Variants in LRBA observed in about 807,000 individuals in gnomAD.
LRBA encodes the protein LPS responsive beige-like anchor protein.
A neutral mutation model predicts 330.0 loss-of-function variants in LRBA; 176 were observed. The observed-to-expected ratio is 0.53, with a 90% CI of 0.47 to 0.60. LRBA has a LOEUF of 0.60. LRBA is among the 20% of genes least tolerant of loss of function. The pLI, the probability that LRBA is intolerant of heterozygous loss-of-function variation, is 0.00. For missense variants in LRBA, 3,259 were observed against 3,444.8 expected, an observed-to-expected ratio of 0.95 and a Z score of 1.35; for synonymous variants, 1,230 against 1,193.0, an observed-to-expected ratio of 1.03 and a Z score of -0.64.
intron 2 of LRBA, among the ~76,000 whole-genome samples, chr4:150,963,648 C>G (rs993345977): frequency 6.7e-6 from 1 of 148,848 alleles, no homozygotes; most frequent in Non-Finnish European, 1.5e-5. Flanking sequence ...GGCCGCCCAT[C>G]GTCTGGGATG....
At position 150,777,374 on chromosome 4, in the gene LRBA, A is replaced by G. The variant is rs764953942; in HGVS notation, c.5581-15527T>C. On this transcript the variant is annotated intron_variant, in intron 34 of 56. Transcript: ENST00000651943. ...TCAGAAACCAAACATAATTTATATT[A>G]AAGAATAAAGAAAAAAAAAATTTTA... is the stretch of plus-strand genomic sequence containing the variant. Among the ~76,000 whole-genome samples the G allele has an allele frequency of 1.4e-5, 2 of 147,124 alleles. 1 individual carries two copies. Among genetic ancestry groups the G allele is most frequent in the African/African-American group, 5.4e-5 (2 of 36,768 alleles).
At chr4:150,936,934 A>G (rs1735136959) in intron 2 of LRBA, among the ~76,000 whole-genome samples, 1 of 152,048 alleles carries the variant, frequency 6.6e-6, no homozygotes, top group African/African-American at 2.4e-5. Context: ...ACCTCGTTAC[A>G]ACTAACATAA....
chr4:150,813,502 AATAATGT>A (rs1394633419), intron 31 of LRBA, among the ~76,000 whole-genome samples: 1 of 152,142 alleles, frequency 6.6e-6, no homozygotes, highest in East Asian at 1.9e-4. Flanking sequence ...TTACAGTCTT[AATAATGT>A]ATACTATTTC....
At chr4:150,707,362 A>C (rs1785729379) in intron 36 of LRBA, among the ~76,000 whole-genome samples, 1 of 151,732 alleles carries the variant, frequency 6.6e-6, no homozygotes, top group African/African-American at 2.4e-5. Flanking sequence ...ACTACAAAGA[A>C]AGTATTCCTG....
At chr4:150,579,657 C>T (rs1232387462) in intron 40 of LRBA, 1 of 456,712 alleles carries the variant, frequency 2.2e-6, no homozygotes, top group Non-Finnish European at 4.4e-6. Flanking sequence ...TTGACAGAGC[C>T]GCCAGTGGAG....
At chr4:150,469,043 T>G (rs1463068361) in intron 43 of LRBA, among the ~76,000 whole-genome samples, 1 of 152,012 alleles carries the variant, frequency 6.6e-6, no homozygotes, top group Non-Finnish European at 1.5e-5. Flanking sequence ...AAAAAAAATT[T>G]TATGCTCCCC....
intron 2 of LRBA, among the ~76,000 whole-genome samples, chr4:150,980,071 C>T (rs1374300317): frequency 6.6e-6 from 1 of 152,084 alleles, no homozygotes; most frequent in South Asian, 2.1e-4. Context: ...AAATCCTCAA[C>T]AAAATACTAT....
At chr4:150,866,359 T>C (rs1412883789) in intron 22 of LRBA, among the ~76,000 whole-genome samples, 1 of 152,152 alleles carries the variant, frequency 6.6e-6, no homozygotes, top group African/African-American at 2.4e-5. Flanking sequence ...ACAACATAGC[T>C]AGCAAAGGAT....
intron 36 of LRBA, among the ~76,000 whole-genome samples, chr4:150,710,622 G>C (rs1236851143): frequency 2.6e-5 from 4 of 152,030 alleles, no homozygotes; most frequent in African/African-American, 9.7e-5. Context: ...TTGATTACAG[G>C]TAGTAAACAT....
intron 40 of LRBA, among the ~76,000 whole-genome samples, chr4:150,497,036 C>T (rs1432319954): frequency 2.0e-5 from 3 of 151,978 alleles, no homozygotes. Flanking sequence ...AAAATAAAGA[C>T]ATTGAAAAAT....
At chr4:150,433,153 T>A (rs1750656868) in intron 46 of LRBA, among the ~76,000 whole-genome samples, 1 of 152,138 alleles carries the variant, frequency 6.6e-6, no homozygotes, top group Admixed American at 6.5e-5. Context: ...GGAGCTGGAT[T>A]TGACTCCTTA....
chr4:150,403,135 G>T lies in LRBA; in HGVS notation c.7194+12303C>A, dbSNP rs995685196. 1.3e-5 allele frequency among the ~76,000 whole-genome samples: 2 copies of T among 152,328 alleles called. 1 individual carries two copies. The highest frequency in any genetic ancestry group is 6.8e-3 in the Middle Eastern group (2 of 294). On this transcript the variant is annotated intron_variant, in intron 47 of 56. Transcript: ENST00000651943. ...GCAGAACAAAATCCACAGCAGAGCC[G>T]CTGCTTTTCAGATAGACTGCCACTG... is the stretch of plus-strand genomic sequence containing the variant.
chr4:150,807,699 G>A (rs1293723993), intron 32 of LRBA, among the ~76,000 whole-genome samples: 1 of 152,052 alleles, frequency 6.6e-6, no homozygotes, highest in Non-Finnish European at 1.5e-5. Flanking sequence ...AGGCTGGAGT[G>A]CAGTGGTGCG....
chr4:150,740,889 AATG>A (rs2127162698), intron 35 of LRBA, among the ~76,000 whole-genome samples: 1 of 152,208 alleles, frequency 6.6e-6, no homozygotes, highest in Admixed American at 6.5e-5. Context: ...TAATAATGAT[AATG>A]ATATTAAAAG....
chr4:150,721,119 G>A (rs1728872760), intron 36 of LRBA: 2 of 592,140 alleles, frequency 3.4e-6, no homozygotes, highest in Admixed American at 3.9e-5. Context: ...CACATGGGGA[G>A]ATACTCTGGA....
intron 40 of LRBA, among the ~76,000 whole-genome samples, chr4:150,514,427 C>T (rs1762132906): frequency 6.6e-6 from 1 of 151,994 alleles, no homozygotes; most frequent in Non-Finnish European, 1.5e-5. Flanking sequence ...TTAAATTGCC[C>T]ACCCATTGAT....
chr4:150,927,777 T>TA (rs1284308580), intron 4 of LRBA, among the ~76,000 whole-genome samples: 1 of 152,020 alleles, frequency 6.6e-6, no homozygotes, highest in Non-Finnish European at 1.5e-5. Flanking sequence ...AAACTAAAAT[T>TA]AGACAGTAAA....
chr4:150,925,532 G>A (rs542209474), intron 4 of LRBA, among the ~76,000 whole-genome samples: 17 of 152,112 alleles, frequency 1.1e-4, no homozygotes, highest in African/African-American at 2.7e-4. Flanking sequence ...AATGAAAAGC[G>A]CACCAAGTAT....
At chr4:150,461,275 C>A (rs1264756845) in intron 44 of LRBA, among the ~76,000 whole-genome samples, 2 of 151,734 alleles carry the variant, frequency 1.3e-5, no homozygotes, top group Non-Finnish European at 3.0e-5. Flanking sequence ...GCACTATTGG[C>A]ATATTACAGA....
Sources: allele counts gnomAD v4.1 joint callset (sites outside exome capture counted in the v4.1 genomes callset), GRCh38; gene constraint gnomAD v4.1.1; transcripts MANE v1.5; gene names NCBI Gene and HGNC (gene_info 2026-07-23, HGNC 2026-07-21).